Variants in CFAP47 observed in about 807,000 individuals in gnomAD.
CFAP47 encodes cilia- and flagella-associated protein 47.
CFAP47 carries 29 observed loss-of-function variants against 148.1 expected under a neutral mutation model. The ratio of observed to expected loss-of-function variants is 0.20; its 90% CI spans 0.15 to 0.27. CFAP47 has a LOEUF of 0.27. CFAP47 is among the 10% of genes least tolerant of loss of function. The pLI is 1.00. For synonymous variants in CFAP47, 664 were observed against 577.3 expected, an observed-to-expected ratio of 1.15 and a Z score of -2.15; for missense variants, 1,872 against 1,697.5, an observed-to-expected ratio of 1.10 and a Z score of -1.81.
intron 22 of CFAP47, among the ~76,000 whole-genome samples, chrX:36,027,917 G>A (rs1278788595): frequency 9.0e-6 from 1 of 111,441 alleles, no homozygotes; most frequent in Admixed American, 9.6e-5. Flanking sequence ...TAGTGATGTT[G>A]AAATGTTTTT....
intron 49 of CFAP47, among the ~76,000 whole-genome samples, chrX:36,252,169 G>A (rs1940700295): frequency 9.0e-6 from 1 of 110,517 alleles, no homozygotes; most frequent in African/African-American, 3.3e-5. Flanking sequence ...AGTGTAGAAA[G>A]CATATACATA....
chrX:36,337,152 G>C (rs782151185), intron 57 of CFAP47, among the ~76,000 whole-genome samples: 1 of 112,159 alleles, frequency 8.9e-6, no homozygotes, highest in African/African-American at 3.2e-5. Flanking sequence ...ATTATGCAAA[G>C]ATGTCTGGGA....
chrX:36,033,510 A>G (rs953064736), intron 23 of CFAP47, among the ~76,000 whole-genome samples: 4 of 111,753 alleles, frequency 3.6e-5, no homozygotes, highest in Admixed American at 9.6e-5. Flanking sequence ...TCCTCATTTT[A>G]AAATGACAAA....
At chrX:36,075,506 A>G (rs1018172570) in intron 29 of CFAP47, among the ~76,000 whole-genome samples, 3 of 112,143 alleles carry the variant, frequency 2.7e-5, no homozygotes, top group Non-Finnish European at 5.6e-5. Flanking sequence ...GATTACAGGC[A>G]TGAGCCACTG....
intron 22 of CFAP47, among the ~76,000 whole-genome samples, chrX:36,020,287 G>A (rs1937143042): frequency 8.9e-6 from 1 of 112,057 alleles, no homozygotes; most frequent in Non-Finnish European, 1.9e-5. Flanking sequence ...TCCACGTGCT[G>A]AGAAGAAGAA....
At chrX:36,282,929 AG>A (rs1195586655) in intron 50 of CFAP47, among the ~76,000 whole-genome samples, 336 of 111,944 alleles carry the variant, frequency 3.0e-3, no homozygotes, top group African/African-American at 0.01. Context: ...ATGACATTTA[AG>A]AATGTTTCTT....
chrX:36,020,943 G>A (rs1277792971), intron 22 of CFAP47, among the ~76,000 whole-genome samples: 1 of 110,904 alleles, frequency 9.0e-6, no homozygotes, highest in Non-Finnish European at 1.9e-5. Context: ...TTTCTTTGGT[G>A]ATATAATTTA....
intron 39 of CFAP47, among the ~76,000 whole-genome samples, chrX:36,169,031 G>GT (rs1939531387): frequency 9.0e-6 from 1 of 111,029 alleles, no homozygotes; most frequent in Non-Finnish European, 1.9e-5. Flanking sequence ...TTGAAGGAGA[G>GT]TTTTTTCTGT....
At chrX:35,921,279 C>T (rs1461012474) in intron 1 of CFAP47, among the ~76,000 whole-genome samples, 3 of 111,732 alleles carry the variant, frequency 2.7e-5, no homozygotes, top group African/African-American at 9.8e-5. Context: ...TAAATGGAAT[C>T]AGGTTTTAAT....
At chrX:36,136,126 G>T (rs1267856755) in intron 33 of CFAP47, among the ~76,000 whole-genome samples, 1 of 110,706 alleles carries the variant, frequency 9.0e-6, no homozygotes, top group African/African-American at 3.3e-5. Flanking sequence ...ACAAAATAAG[G>T]TGGGGCGGGT....
intron 15 of CFAP47, 103 bp from the exon 16 acceptor site, chrX:35,989,216 A>T: frequency 1.7e-6 from 1 of 593,531 alleles, no homozygotes; most frequent in Non-Finnish European, 2.6e-6. Context: ...TAGTTTATTT[A>T]ATGCAATCAC....
chrX:35,943,316 T>G (rs1261262656), intron 3 of CFAP47, among the ~76,000 whole-genome samples: 2 of 111,404 alleles, frequency 1.8e-5, no homozygotes, highest in Non-Finnish European at 3.8e-5. Flanking sequence ...AATTTGTATG[T>G]ATACTTAATA....
chrX:36,147,160 C>T (rs1251996065), intron 36 of CFAP47, among the ~76,000 whole-genome samples: 1 of 112,101 alleles, frequency 8.9e-6, no homozygotes, highest in East Asian at 2.8e-4. Context: ...TTTTCCGAGA[C>T]ATTCAAAAAG....
intron 49 of CFAP47, among the ~76,000 whole-genome samples, chrX:36,274,207 AG>A (rs1298154321): frequency 8.9e-6 from 1 of 112,104 alleles, no homozygotes; most frequent in African/African-American, 3.2e-5. Context: ...TGAGTGAGTT[AG>A]GGGAAAGAAA....
At chrX:36,040,171 G>A (rs1025171458) in intron 25 of CFAP47, among the ~76,000 whole-genome samples, 2 of 111,909 alleles carry the variant, frequency 1.8e-5, no homozygotes, top group African/African-American at 6.5e-5. Context: ...ATAAAGCTGG[G>A]TAGCAGTATT....
chrX:36,028,349 C>T (rs1937244529), intron 22 of CFAP47, among the ~76,000 whole-genome samples: 1 of 110,441 alleles, frequency 9.1e-6, no homozygotes, highest in Admixed American at 9.7e-5. Context: ...AGGTATGGGT[C>T]CAGTTTCATT....
At chrX:36,061,013 T>G (rs1179431046) in intron 26 of CFAP47, among the ~76,000 whole-genome samples, 1 of 111,652 alleles carries the variant, frequency 9.0e-6, no homozygotes, top group African/African-American at 3.3e-5. Flanking sequence ...CCAAATCTCA[T>G]GTGGAATTGT....
intron 30 of CFAP47, among the ~76,000 whole-genome samples, chrX:36,089,112 A>G (rs1304957376): frequency 1.8e-5 from 2 of 112,095 alleles, no homozygotes; most frequent in Admixed American, 1.9e-4. Context: ...TCACGCGTAT[A>G]ATCCCAGCAC....
chrX:36,345,355 T>C (rs1941688514), intron 57 of CFAP47, among the ~76,000 whole-genome samples: 1 of 111,478 alleles, frequency 9.0e-6, no homozygotes. Context: ...GGCATGAGAC[T>C]GTTCTGCCTC....
Sources: allele counts gnomAD v4.1 joint callset (sites outside exome capture counted in the v4.1 genomes callset), GRCh38; gene constraint gnomAD v4.1.1; transcripts MANE v1.5; gene names NCBI Gene and HGNC (gene_info 2026-07-23, HGNC 2026-07-21).